The following NPHS1 variants were observed in gnomAD, a reference collection of about 807,000 sequenced individuals.
NPHS1 encodes NPHS1 adhesion molecule, nephrin.
NPHS1 carries 107 observed loss-of-function variants against 139.7 expected under a neutral mutation model. The observed-to-expected ratio is 0.77, with a 90% CI of 0.66 to 0.90. The LOEUF (loss-of-function observed/expected upper bound fraction) is 0.90, where lower values mean the gene tolerates loss of function less well. Among genes scored for constraint, NPHS1 ranks in the 40% least tolerant of loss-of-function variants. The pLI, the probability that NPHS1 is intolerant of heterozygous loss-of-function variation, is 0.00. For missense variants in NPHS1, 1,580 were observed against 1,654.2 expected (o/e 0.96, Z 0.78); for synonymous variants, 707 against 706.6 (o/e 1.00, Z -0.01).
At chr19:35,851,126 T>C (rs767505737) in intron 3 of NPHS1, 37 bp from the exon 4 acceptor site, 3 of 1,613,802 alleles carry the variant, frequency 1.9e-6, no homozygotes, top group Non-Finnish European at 2.5e-6. Context: ...CTTCCAGCAC[T>C]GAGAAGGACT....
rs746380730 is a variant in NPHS1 at position 35,839,386 on chromosome 19, T to C, written c.2960A>G (p.Tyr987Cys). 1.9e-6 allele frequency: 3 copies of C among 1,614,140 alleles called. No individual in the cohort carries two copies. Among genetic ancestry groups the C allele is most frequent in the South Asian group, 2.2e-5 (2 of 91,082 alleles). The change falls in exon 22 of 29, where the codon TAT becomes TGT. Residue 987 changes from tyrosine (Y) to cysteine (C), a missense_variant. Physicochemically the swap from Tyr to Cys is radical, Grantham distance 194. Transcript: ENST00000378910. ...YEALGTPGFH[Y>C]VDVVPPQATT... ...GGCCTGGGGTGGTACGACATCCACA[T>C]AGTGGAACCCTGGAGTCCCCAGGGC...
chr19:35,834,611 G>T (rs1444113367), intron 23 of NPHS1, among the ~76,000 whole-genome samples: 1 of 152,082 alleles, frequency 6.6e-6, no homozygotes, highest in Non-Finnish European at 1.5e-5. Context: ...AAAAAAATTG[G>T]CCAGATGCAG....
intron 22 of NPHS1, 27 bp from the exon 23 acceptor site, chr19:35,835,788 C>T: frequency 2.5e-6 from 4 of 1,598,086 alleles, no homozygotes; most frequent in Non-Finnish European, 3.4e-6. Flanking sequence ...CAGATTGTGA[C>T]TTAACACTAA....
Position 35,838,179 on chromosome 19 carries a change from G to T in NPHS1, c.3109+1058C>A, listed in dbSNP as rs187786553. 9.0e-3 allele frequency among the ~76,000 whole-genome samples: 1,366 copies of T among 151,946 alleles called. 70 individuals carry two copies. Among genetic ancestry groups the T allele is most frequent in the Admixed American group, 0.082 (1,254 of 15,254 alleles). On this transcript the variant is annotated intron_variant, in intron 22 of 28. Coordinates refer to ENST00000378910, the MANE Select transcript of NPHS1 (RefSeq NM_004646.4). ...AAATTGCTCAAACCCAGGAGGCGGG[G>T]GTTGCAGTGAGCCGAGACGGCACCA...
chr19:35,837,274 T>C (rs1482934262), intron 22 of NPHS1, among the ~76,000 whole-genome samples: 6 of 152,204 alleles, frequency 3.9e-5, no homozygotes, highest in African/African-American at 7.2e-5. Context: ...GTCCTTCTCA[T>C]CCAACTTGCT....
Position 35,845,414 on chromosome 19 carries a change from G to A in NPHS1, c.1884C>T (p.Ala628=). 6.2e-7 allele frequency: 1 copy of A among 1,614,230 alleles called. No individual in the cohort carries two copies. Among genetic ancestry groups the A allele is most frequent in the Non-Finnish European group, 8.5e-7 (1 of 1,180,042 alleles). The change falls in exon 14 of 29, where the codon GCC becomes GCT. Residue 628 remains alanine (A), a synonymous_variant. Coordinates refer to ENST00000378910, the MANE Select transcript of NPHS1 (RefSeq NM_004646.4). The surrounding 1 kb of genome is among the most constrained non-coding windows in gnomAD (Gnocchi z 5.5). Reference sequence around the variant, plus strand: ...AGGAGCTCACGGTTTCGCGGAGCTCGGCGCTGTGGGCGCGGCAGGTCACGC... The same window carrying A: ...AGGAGCTCACGGTTTCGCGGAGCTCAGCGCTGTGGGCGCGGCAGGTCACGC... ...GQRVTCRAHS[A]ELRETVSSFY...
chr19:35,830,820 G>T (rs1972866992), intron 28 of NPHS1, 24 bp downstream of exon 28: 1 of 1,400,748 alleles, frequency 7.1e-7, no homozygotes, highest in South Asian at 1.2e-5. Flanking sequence ...CAGGAAGGAT[G>T]GTTGCTGATG....
chr19:35,848,313 C>T lies in NPHS1; in HGVS notation c.1255G>A (p.Ala419Thr), dbSNP rs962888148. The change falls in exon 10 of 29, where the codon GCC becomes ACC. Residue 419 changes from alanine (A) to threonine (T), a missense_variant. Ala to Thr is a moderately conservative substitution (Grantham distance 58). Coordinates refer to ENST00000378910, the MANE Select transcript of NPHS1 (RefSeq NM_004646.4). ...EDNGLTLTCEAFSEAFTKETF... is the reference protein window; with the variant it reads ...EDNGLTLTCETFSEAFTKETF... ...TCCTTGGTGAAGGCTTCACTGAAGG[C>T]CTCACATGTGAGGGTCAGACCGTTG... is the stretch of plus-strand genomic sequence containing the variant. 5.0e-6 allele frequency: 8 copies of T among 1,614,130 alleles called. No homozygotes were observed. Among genetic ancestry groups the T allele is most frequent in the Non-Finnish European group, 6.8e-6 (8 of 1,180,030 alleles).
At chr19:35,832,227 G>A (rs1972894941) in intron 23 of NPHS1, among the ~76,000 whole-genome samples, 1 of 152,102 alleles carries the variant, frequency 6.6e-6, no homozygotes, top group African/African-American at 2.4e-5. Flanking sequence ...TTCTTCTCAA[G>A]CAAACTTCTG....
At position 35,845,295 on chromosome 19, in the gene NPHS1, A is replaced by G; in HGVS notation, c.1930+73T>C. ...AGAGAGAGAAGAGAAAAAGAAGGAA[A>G]AAAAGGTAAGACCCAAGGAGTAGTT... On this transcript the variant is annotated intron_variant, in intron 14 of 28. Transcript: ENST00000378910. This position sits in a 1 kb window ranked among gnomAD's most constrained non-coding sequence, Gnocchi z 5.5. The G allele has an allele frequency of 1.9e-6, 3 of 1,540,990 alleles. No homozygotes were observed. The highest frequency in any genetic ancestry group is 2.7e-6 in the Non-Finnish European group (3 of 1,115,134).
At chr19:35,850,829 C>T (rs972192867) in intron 4 of NPHS1, 132 bp downstream of exon 4, 21 of 1,234,052 alleles carry the variant, frequency 1.7e-5, no homozygotes, top group Non-Finnish European at 2.4e-5. Context: ...CTCCCCACAC[C>T]TTCTCCTGGG....
intron 19 of NPHS1, 104 bp downstream of exon 19, chr19:35,842,020 C>T (rs1973063371): frequency 7.0e-7 from 1 of 1,430,418 alleles, no homozygotes; most frequent in South Asian, 1.2e-5. Flanking sequence ...TCACTCATTC[C>T]TCCACCCATT....
intron 23 of NPHS1, among the ~76,000 whole-genome samples, chr19:35,834,322 G>A (rs1221346504): frequency 6.6e-6 from 1 of 152,168 alleles, no homozygotes. Flanking sequence ...TATCAGAAGT[G>A]TGGGAAGGGG....
chr19:35,842,159 T>C lies in NPHS1; in HGVS notation c.2628A>G (p.Thr876=). The C allele has an allele frequency of 1.2e-6, 2 of 1,608,998 alleles. No individual in the cohort carries two copies. The highest frequency in any genetic ancestry group is 2.2e-5 in the South Asian group (2 of 90,012). The stretch of plus-strand genomic sequence containing the variant: ...GGAGATCCAGAGGGACCCCGTTTTT[T>C]GTCCAAGTGAAAACGATGTTGGGGA... ...RGVPNIVFTW[T]KNGVPLDLQD... is the part of the protein sequence containing the mutation. The change falls in exon 19 of 29, where the codon ACA becomes ACG. Residue 876 remains threonine, a synonymous_variant. Coordinates refer to ENST00000378910, the MANE Select transcript of NPHS1 (RefSeq NM_004646.4).
At position 35,845,430 on chromosome 19, in the gene NPHS1, C is replaced by A. The variant is rs386833895; in HGVS notation, c.1868G>T (p.Cys623Phe). 195 of 1,614,086 alleles carry A rather than the reference C, an allele frequency of 1.2e-4. No individual in the cohort carries two copies. The highest frequency in any genetic ancestry group is 1.6e-4 in the Non-Finnish European group (190 of 1,180,044). The change falls in exon 14 of 29, where the codon TGC (cysteine) becomes TTC (phenylalanine). Residue 623 changes from cysteine to phenylalanine, a missense_variant. Cys to Phe is a radical substitution (Grantham distance 205, BLOSUM62 -2). Coordinates refer to ENST00000378910, the MANE Select transcript of NPHS1 (RefSeq NM_004646.4). The surrounding 1 kb of genome is among the most constrained non-coding windows in gnomAD (Gnocchi z 5.5). The stretch of plus-strand genomic sequence containing the variant: ...GCGGAGCTCGGCGCTGTGGGCGCGG[C>A]AGGTCACGCGCTGGCCATGATCGCG... The part of the protein sequence containing the change: ...SSRDHGQRVT[C>F]RAHSAELRET...
chr19:35,829,386 C>T (rs1281829145), intron 28 of NPHS1, among the ~76,000 whole-genome samples: 1 of 152,062 alleles, frequency 6.6e-6, no homozygotes, highest in Non-Finnish European at 1.5e-5. Context: ...TATTTTTTCC[C>T]TTTCTTTTTT....
chr19:35,842,616 T>C lies in NPHS1; in HGVS notation c.2335-66A>G. On this transcript the variant is annotated intron_variant, in intron 17 of 28. Coordinates refer to ENST00000378910, the MANE Select transcript of NPHS1 (RefSeq NM_004646.4). ...CCCAGATCCATCACTGCCCAAATTG[T>C]CCCTTCTGTAGCCTCATTCTCCTAG... The C allele has an allele frequency of 2.6e-6, 4 of 1,530,238 alleles. No individual in the cohort carries two copies. The South Asian group carries it at 4.5e-5, about 17-fold the overall frequency. 94.8% of individuals were successfully genotyped at this position (1,530,238 alleles called of 1,614,324 possible). A position where few individuals can be genotyped will look rare whatever the true frequency, so the allele number is the denominator to read the frequency against.
At chr19:35,832,895 A>G (rs1252094487) in intron 23 of NPHS1, among the ~76,000 whole-genome samples, 4 of 147,962 alleles carry the variant, frequency 2.7e-5, no homozygotes, top group African/African-American at 4.9e-5. Flanking sequence ...TCAAAAAAAA[A>G]AAAAAAAAAA....
chr19:35,831,720 C>G lies in NPHS1; in HGVS notation c.3209G>C (p.Gly1070Ala), dbSNP rs1035908181. Reference sequence around the variant, plus strand: ...GGCATTGGAGAGGAGCAGAAGCCCCCCAAGAGCGAACAGCACAGGCAGCAG... The same window carrying G: ...GGCATTGGAGAGGAGCAGAAGCCCCGCAAGAGCGAACAGCACAGGCAGCAG... ...LPLLPVLFAL[G>A]GLLLLSNASC... Residue 1070 changes from glycine to alanine, a missense_variant, in exon 24 of 29, where the codon GGG (glycine) becomes GCG (alanine). Physicochemically the swap from Gly to Ala is moderately conservative, Grantham distance 60. Coordinates refer to ENST00000378910, the MANE Select transcript of NPHS1 (RefSeq NM_004646.4). 1.9e-6 allele frequency: 3 copies of G among 1,592,070 alleles called. No individual in the cohort carries two copies. Among genetic ancestry groups the G allele is most frequent in the Admixed American group, 3.5e-5 (2 of 56,482 alleles).
Sources: gnomAD v4.1 joint callset for allele counts (sites outside exome capture counted in the v4.1 genomes callset) on GRCh38, gnomAD v4.1.1 for gene constraint, Gnocchi (gnomAD v3.1) non-coding constraint, MANE v1.5 for transcripts, NCBI Gene and HGNC (gene_info 2026-07-23, HGNC 2026-07-21) for gene names.